The following SOX5 variants were observed in gnomAD, a reference collection of about 807,000 sequenced individuals.
The protein encoded by SOX5 is SRY-box transcription factor 5.
A neutral mutation model predicts 92.0 loss-of-function variants in SOX5; 9 were observed. That is an observed-to-expected ratio of 0.10 (90% CI 0.06 to 0.17). The LOEUF (loss-of-function observed/expected upper bound fraction) is 0.17. SOX5 is among the 10% of genes least tolerant of loss of function. SOX5 has a pLI of 1.00. For synonymous variants in SOX5, 344 were observed against 336.3 expected, an observed-to-expected ratio of 1.02 and a Z score of -0.25; for missense variants, 642 against 944.5, an observed-to-expected ratio of 0.68 and a Z score of 4.20.
intron 3 of SOX5, among the ~76,000 whole-genome samples, chr12:23,836,661 C>T (rs1018081548): frequency 1.3e-5 from 2 of 151,956 alleles, no homozygotes; most frequent in Admixed American, 6.6e-5. Flanking sequence ...TATGGACTTT[C>T]TATTGAAATC....
At chr12:24,533,007 G>C (rs984752737) in intron 1 of SOX5, among the ~76,000 whole-genome samples, 6 of 152,152 alleles carry the variant, frequency 3.9e-5, no homozygotes, top group Non-Finnish European at 7.3e-5. Flanking sequence ...TTCCATTATA[G>C]CAAGGTAAAT....
intron 10 of SOX5, among the ~76,000 whole-genome samples, chr12:23,565,981 C>T (rs1947009853): frequency 6.6e-6 from 1 of 152,196 alleles, no homozygotes; most frequent in Non-Finnish European, 1.5e-5. Context: ...ACCCTACCCT[C>T]ACTCTTACCT....
intron 13 of SOX5, among the ~76,000 whole-genome samples, chr12:23,542,212 G>A (rs955793964): frequency 1.5e-4 from 23 of 152,268 alleles, no homozygotes; most frequent in African/African-American, 5.1e-4. Flanking sequence ...AGTGCCTTAC[G>A]AATTCTAATA....
chr12:24,483,133 T>C (rs181274914), intron 1 of SOX5, among the ~76,000 whole-genome samples: 1 of 152,326 alleles, frequency 6.6e-6, no homozygotes, highest in Admixed American at 6.5e-5. Flanking sequence ...TGTTGACTAA[T>C]GAGAGAAACA....
intron 1 of SOX5, among the ~76,000 whole-genome samples, chr12:23,915,600 T>A (rs752239362): frequency 6.6e-6 from 1 of 151,770 alleles, no homozygotes; most frequent in African/African-American, 2.4e-5. Context: ...CCGAGAACTA[T>A]ACTAATAGTC....
At chr12:24,493,750 GC>G (rs1947327055) in intron 1 of SOX5, among the ~76,000 whole-genome samples, 1 of 151,972 alleles carries the variant, frequency 6.6e-6, no homozygotes, top group Non-Finnish European at 1.5e-5. Flanking sequence ...TGTAGTCCCA[GC>G]TACTCGGGAG....
intron 4 of SOX5, among the ~76,000 whole-genome samples, chr12:24,191,188 C>T (rs67190829): frequency 0.1 from 15,642 of 152,154 alleles, 1,126 homozygotes; most frequent in East Asian, 0.34. Context: ...TCAAAGAAGA[C>T]GACAGTGATT....
In SOX5 at chr12:23,533,082, A is replaced by T. The variant is rs748482541; in HGVS notation, c.*1137T>A. The T allele has an allele frequency of 2.3e-6, 1 of 431,848 alleles. No individual in the cohort carries two copies. The highest frequency in any genetic ancestry group is 1.6e-5 in the South Asian group (1 of 61,578). 26.8% of individuals were successfully genotyped at this position (431,848 alleles called of 1,614,324 possible). A position where few individuals can be genotyped will look rare whatever the true frequency, so the allele number is the denominator to read the frequency against. ...ATAATAATCAGACATTTAAAAATAT[A>T]ATTTCTGAGCCCTATACTTGGTTAA... is the stretch of plus-strand genomic sequence containing the variant. On this transcript the variant is annotated 3_prime_UTR_variant, in exon 15 of 15. Transcript: ENST00000451604.
chr12:23,952,638 C>A (rs1254265144), upstream of SOX5, among the ~76,000 whole-genome samples: 1 of 152,122 alleles, frequency 6.6e-6, no homozygotes, highest in East Asian at 1.9e-4. Context: ...CTTGCACAAT[C>A]ATCTATGCTG....
chr12:24,551,621 C>A (rs1047130546), intron 1 of SOX5, among the ~76,000 whole-genome samples: 2 of 152,170 alleles, frequency 1.3e-5, no homozygotes, highest in Non-Finnish European at 2.9e-5. Context: ...AGGTCCCTAT[C>A]CTCATGCGGT....
At chr12:24,116,217 T>C (rs969134273) in intron 4 of SOX5, among the ~76,000 whole-genome samples, 1 of 152,168 alleles carries the variant, frequency 6.6e-6, no homozygotes, top group African/African-American at 2.4e-5. Flanking sequence ...ATTGTTAACA[T>C]TTATTTGGCA....
intron 1 of SOX5, among the ~76,000 whole-genome samples, chr12:23,919,866 C>T (rs978615772): frequency 6.6e-6 from 1 of 152,102 alleles, no homozygotes; most frequent in Non-Finnish European, 1.5e-5. Context: ...TATCTTCTGG[C>T]AAATATATTT....
chr12:23,879,793 G>A, intron 2 of SOX5, among the ~76,000 whole-genome samples: 1 of 152,112 alleles, frequency 6.6e-6, no homozygotes, highest in African/African-American at 2.4e-5. Context: ...CTTGAATCCA[G>A]GGCACTGGAG....
At chr12:24,227,215 A>G (rs1962248548) in intron 3 of SOX5, 1 of 152,278 alleles carries the variant, frequency 6.6e-6, no homozygotes, top group Non-Finnish European at 1.5e-5. Flanking sequence ...AAGCCCAGAA[A>G]AACCTGCCAG....
At chr12:24,031,863 C>T (rs922619495) in intron 4 of SOX5, among the ~76,000 whole-genome samples, 6 of 151,544 alleles carry the variant, frequency 4.0e-5, no homozygotes, top group East Asian at 3.9e-4. Flanking sequence ...TCTATGGTCC[C>T]AAATGCAATT....
At chr12:24,108,345 T>C (rs151119714) in intron 4 of SOX5, among the ~76,000 whole-genome samples, 1 of 152,302 alleles carries the variant, frequency 6.6e-6, no homozygotes, top group African/African-American at 2.4e-5. Context: ...TATCTCCTCA[T>C]TTAATTCATG....
chr12:23,821,359 G>A (rs1432696262), intron 3 of SOX5, among the ~76,000 whole-genome samples: 3 of 152,198 alleles, frequency 2.0e-5, no homozygotes, highest in African/African-American at 7.2e-5. Flanking sequence ...ATACAATCAT[G>A]CAATCTGCAA....
chr12:24,116,403 AGAGAT>A (rs1948001584), intron 4 of SOX5, among the ~76,000 whole-genome samples: 1 of 151,488 alleles, frequency 6.6e-6, no homozygotes, highest in Non-Finnish European at 1.5e-5. Context: ...TAAATGAAGT[AGAGAT>A]GAGAAAAAAT....
chr12:23,680,531 C>A (rs2086446629), intron 6 of SOX5, among the ~76,000 whole-genome samples: 1 of 151,006 alleles, frequency 6.6e-6, no homozygotes. Flanking sequence ...GATGGTTTAA[C>A]AAATGCTTGG....
Sources: allele counts gnomAD v4.1 joint callset (sites outside exome capture counted in the v4.1 genomes callset), GRCh38; gene constraint gnomAD v4.1.1; transcripts MANE v1.5; gene names NCBI Gene and HGNC (gene_info 2026-07-23, HGNC 2026-07-21).